KCTD16: variants seen among roughly 807,000 people sequenced by gnomAD.
KCTD16 encodes the protein potassium channel tetramerization domain containing 16, also known as BTB/POZ domain-containing protein KCTD16.
KCTD16 carries 13 observed loss-of-function variants against 33.2 expected under a neutral mutation model. The ratio of observed to expected loss-of-function variants is 0.39; its 90% CI spans 0.25 to 0.62. The LOEUF (loss-of-function observed/expected upper bound fraction) is 0.62. Among genes scored for constraint, KCTD16 ranks in the 20% least tolerant of loss-of-function variants. The pLI, the probability that KCTD16 is intolerant of heterozygous loss-of-function variation, is 0.50. For synonymous variants in KCTD16, 197 were observed against 195.3 expected (o/e 1.01, Z -0.07); for missense variants, 441 against 525.1 (o/e 0.84, Z 1.57).
At chr5:144,462,700 C>G (rs1049661222) in intron 3 of KCTD16, among the ~76,000 whole-genome samples, 8 of 152,116 alleles carry the variant, frequency 5.3e-5, no homozygotes, top group Non-Finnish European at 1.2e-4. Context: ...ACAGACACAT[C>G]TCTGTCTGGC....
At chr5:144,322,105 T>A (rs577073282) in intron 3 of KCTD16, among the ~76,000 whole-genome samples, 1 of 152,270 alleles carries the variant, frequency 6.6e-6, no homozygotes, top group South Asian at 2.1e-4. Flanking sequence ...ATAAGAATAA[T>A]TCTAAAAGCA....
chr5:144,468,472 A>G (rs1046801103), intron 3 of KCTD16, among the ~76,000 whole-genome samples: 7 of 152,200 alleles, frequency 4.6e-5, no homozygotes, highest in Admixed American at 2.6e-4. Flanking sequence ...CTCCAAGACC[A>G]ACTGCTCATG....
intron 3 of KCTD16, among the ~76,000 whole-genome samples, chr5:144,208,265 G>A (rs1753253728): frequency 6.6e-6 from 1 of 152,194 alleles, no homozygotes; most frequent in Admixed American, 6.5e-5. Flanking sequence ...AGCTGAGGTG[G>A]TAGAATTACT....
chr5:144,248,944 T>C (rs73310795), intron 3 of KCTD16, among the ~76,000 whole-genome samples: 2,741 of 152,280 alleles, frequency 0.018, 77 homozygotes, highest in African/African-American at 0.055. Flanking sequence ...GGTGCTAATA[T>C]AACAAAGACT....
At chr5:144,425,308 G>C (rs1406767077) in intron 3 of KCTD16, among the ~76,000 whole-genome samples, 1 of 152,028 alleles carries the variant, frequency 6.6e-6, no homozygotes, top group Non-Finnish European at 1.5e-5. Flanking sequence ...TCCTGGGGTA[G>C]AGATTGGTTC....
intron 3 of KCTD16, among the ~76,000 whole-genome samples, chr5:144,214,912 T>C (rs1425443600): frequency 1.3e-5 from 2 of 152,200 alleles, no homozygotes; most frequent in Non-Finnish European, 2.9e-5. Context: ...CTGGAACAAA[T>C]GTAGGTATAG....
At chr5:144,269,351 A>C (rs1018215611) in intron 3 of KCTD16, among the ~76,000 whole-genome samples, 4 of 152,028 alleles carry the variant, frequency 2.6e-5, no homozygotes, top group Admixed American at 6.6e-5. Context: ...AGAAAGAAGC[A>C]ACTCATTGCA....
At chr5:144,304,321 A>G (rs1235560590) in intron 3 of KCTD16, among the ~76,000 whole-genome samples, 1 of 152,216 alleles carries the variant, frequency 6.6e-6, no homozygotes, top group African/African-American at 2.4e-5. Flanking sequence ...CATAGCAGCA[A>G]TAAGTCATCT....
At chr5:144,382,627 T>C (rs1437021270) in intron 3 of KCTD16, among the ~76,000 whole-genome samples, 1 of 152,220 alleles carries the variant, frequency 6.6e-6, no homozygotes, top group Non-Finnish European at 1.5e-5. Context: ...TTTGTTTTAT[T>C]CATATCCACA....
chr5:144,334,819 C>T lies in KCTD16; in HGVS notation c.832+127273C>T, dbSNP rs188033068. Among the ~76,000 whole-genome samples, 17 of 152,140 alleles carry T rather than the reference C, an allele frequency of 1.1e-4. No individual in the cohort carries two copies. In the East Asian group the frequency reaches 2.5e-3, roughly 23 times the overall value. On this transcript the variant is annotated intron_variant, in intron 3 of 3. Transcript: ENST00000512467. ...TTAGACAGGGTCTCACTCTGTCACC[C>T]GGGTTGGAGTGTGATGGTGCAGTCT...
intron 3 of KCTD16, among the ~76,000 whole-genome samples, chr5:144,360,262 C>G (rs6870569): frequency 4.6e-5 from 7 of 152,164 alleles, no homozygotes; most frequent in Non-Finnish European, 7.4e-5. Flanking sequence ...CCTCCTACCC[C>G]CCAAGAGGCC....
intron 3 of KCTD16, among the ~76,000 whole-genome samples, chr5:144,264,804 T>C (rs1254442271): frequency 1.3e-5 from 2 of 152,160 alleles, no homozygotes; most frequent in African/African-American, 4.8e-5. Context: ...AACAATAGGA[T>C]GACTTTAAGT....
intron 3 of KCTD16, among the ~76,000 whole-genome samples, chr5:144,272,684 G>A (rs1297102749): frequency 6.6e-6 from 1 of 152,004 alleles, no homozygotes; most frequent in Non-Finnish European, 1.5e-5. Flanking sequence ...TTACATATAT[G>A]GTCAAATGAT....
intron 3 of KCTD16, among the ~76,000 whole-genome samples, chr5:144,432,923 C>A (rs1011389095): frequency 6.6e-6 from 1 of 152,060 alleles, no homozygotes; most frequent in Non-Finnish European, 1.5e-5. Context: ...TATATTTAAT[C>A]TTCACAGTTG....
chr5:144,391,583 C>A (rs1308812151), intron 3 of KCTD16, among the ~76,000 whole-genome samples: 1 of 152,212 alleles, frequency 6.6e-6, no homozygotes, highest in Non-Finnish European at 1.5e-5. Flanking sequence ...AATTCACCTT[C>A]CAGCTTTGGC....
chr5:144,456,816 C>T (rs1754076120), intron 3 of KCTD16, among the ~76,000 whole-genome samples: 1 of 151,296 alleles, frequency 6.6e-6, no homozygotes, highest in Non-Finnish European at 1.5e-5. Flanking sequence ...AAAATCCTTC[C>T]ATAATGACTA....
At chr5:144,184,683 T>C (rs1355302810) in intron 2 of KCTD16, among the ~76,000 whole-genome samples, 1 of 152,218 alleles carries the variant, frequency 6.6e-6, no homozygotes, top group African/African-American at 2.4e-5. Context: ...GTTATTATTT[T>C]CTTTCTTCCT....
At chr5:144,419,169 TC>T (rs1213245498) in intron 3 of KCTD16, among the ~76,000 whole-genome samples, 1 of 152,180 alleles carries the variant, frequency 6.6e-6, no homozygotes, top group Non-Finnish European at 1.5e-5. Context: ...TATTTCTTGC[TC>T]AGTTTCTGAC....
intron 3 of KCTD16, among the ~76,000 whole-genome samples, chr5:144,264,277 C>T (rs559136202): frequency 6.6e-6 from 1 of 152,244 alleles, no homozygotes; most frequent in African/African-American, 2.4e-5. Flanking sequence ...ACAGAATAAA[C>T]ATGAGAATTT....
Sources: allele counts gnomAD v4.1 joint callset (sites outside exome capture counted in the v4.1 genomes callset), GRCh38; gene constraint gnomAD v4.1.1; transcripts MANE v1.5; gene names NCBI Gene and HGNC (gene_info 2026-07-23, HGNC 2026-07-21).